PCDH15: variants seen among roughly 807,000 people sequenced by gnomAD.
PCDH15 encodes the protein protocadherin related 15.
PCDH15 carries 129 observed loss-of-function variants against 178.5 expected under a neutral mutation model. That is an observed-to-expected ratio of 0.72 (90% CI 0.63 to 0.84). The LOEUF (loss-of-function observed/expected upper bound fraction) is 0.84. Ranked by LOEUF, PCDH15 falls within the 40% of genes least tolerant of loss-of-function variation. The pLI is 0.00. For missense variants in PCDH15, 2,230 were observed against 2,099.9 expected (o/e 1.06, Z -1.21); for synonymous variants, 800 against 732.0 (o/e 1.09, Z -1.50).
chr10:53,819,396 T>C (rs972344774), intron 33 of PCDH15, among the ~76,000 whole-genome samples: 1 of 152,010 alleles, frequency 6.6e-6, no homozygotes, highest in Admixed American at 6.6e-5. Flanking sequence ...TTGTATTGCT[T>C]GTCTTGGCTC....
At chr10:54,154,093 A>G (rs1285439491) in intron 13 of PCDH15, among the ~76,000 whole-genome samples, 1 of 152,188 alleles carries the variant, frequency 6.6e-6, no homozygotes, top group Non-Finnish European at 1.5e-5. Context: ...ATATGAAAAG[A>G]TAACAATGAT....
intron 18 of PCDH15, among the ~76,000 whole-genome samples, chr10:54,056,899 A>G (rs12250607): frequency 0.21 from 31,728 of 152,076 alleles, 3,494 homozygotes; most frequent in Non-Finnish European, 0.23. Flanking sequence ...ATTCCAAATG[A>G]GAGAAATTGG....
intron 3 of PCDH15, among the ~76,000 whole-genome samples, chr10:54,523,115 C>G (rs966989647): frequency 6.6e-6 from 1 of 152,090 alleles, no homozygotes; most frequent in Non-Finnish European, 1.5e-5. Flanking sequence ...TAGTGCTAAC[C>G]AGGTCAGCAT....
At chr10:54,258,112 C>T (rs1223956345) in intron 8 of PCDH15, among the ~76,000 whole-genome samples, 3 of 151,990 alleles carry the variant, frequency 2.0e-5, no homozygotes, top group African/African-American at 7.2e-5. Context: ...GATTTTTACC[C>T]AATATTTCAG....
chr10:55,539,226 T>A (rs2132074384), intron 2 of PCDH15, among the ~76,000 whole-genome samples: 1 of 152,174 alleles, frequency 6.6e-6, no homozygotes, highest in Non-Finnish European at 1.5e-5. Context: ...ACCATTTGTA[T>A]TATTATTTCT....
Position 55,127,786 on chromosome 10 carries a change from C to A in PCDH15, c.-80+38790G>T, listed in dbSNP as rs79051043. On this transcript the variant is annotated intron_variant, in intron 2 of 5. Transcript: ENST00000458638. ...ATTTCTTGCAATCATTTACGTATAA[C>A]CTTGGAGACATTCCATTTTTTAGGA... Among the ~76,000 whole-genome samples the A allele has an allele frequency of 2.6e-5, 4 of 151,948 alleles. No homozygotes were observed. In the South Asian group the frequency reaches 6.2e-4, roughly 24 times the overall value.
chr10:55,596,016 G>A (rs1256939446), intron 2 of PCDH15, among the ~76,000 whole-genome samples: 3 of 151,952 alleles, frequency 2.0e-5, no homozygotes, highest in Non-Finnish European at 4.4e-5. Flanking sequence ...CCTAGAGATG[G>A]AGTCTTAAGT....
chr10:54,024,404 C>A (rs1305216586), intron 18 of PCDH15, among the ~76,000 whole-genome samples: 1 of 152,032 alleles, frequency 6.6e-6, no homozygotes, highest in African/African-American at 2.4e-5. Flanking sequence ...GTCCATAAAG[C>A]GTGGAATGCA....
chr10:53,863,038 G>A (rs1407906385), intron 27 of PCDH15, among the ~76,000 whole-genome samples: 1 of 152,188 alleles, frequency 6.6e-6, no homozygotes, highest in East Asian at 1.9e-4. Flanking sequence ...GAAATGTGAT[G>A]AAGAAGAGAA....
chr10:54,640,316 G>T (rs577120006), intron 2 of PCDH15, among the ~76,000 whole-genome samples: 18 of 150,338 alleles, frequency 1.2e-4, no homozygotes, highest in African/African-American at 4.4e-4. Flanking sequence ...AGAAAATCAG[G>T]GCAAAACATT....
At chr10:55,613,196 C>T (rs1283614228) in intron 2 of PCDH15, among the ~76,000 whole-genome samples, 1 of 151,984 alleles carries the variant, frequency 6.6e-6, no homozygotes, top group East Asian at 1.9e-4. Context: ...ACCACCTTCT[C>T]TTTACCTTCA....
chr10:55,284,287 A>C (rs1054357454), intron 1 of PCDH15, among the ~76,000 whole-genome samples: 1 of 152,152 alleles, frequency 6.6e-6, no homozygotes, highest in Non-Finnish European at 1.5e-5. Context: ...CAGGATGGAC[A>C]GCCGACTGAT....
intron 6 of PCDH15, among the ~76,000 whole-genome samples, chr10:54,338,503 C>G (rs1565008092): frequency 6.6e-6 from 1 of 152,216 alleles, no homozygotes; most frequent in African/African-American, 2.4e-5. Flanking sequence ...CTTCCTGACT[C>G]AGGAAATTCA....
At chr10:55,061,748 C>T (rs549561749) in intron 2 of PCDH15, among the ~76,000 whole-genome samples, 2 of 152,272 alleles carry the variant, frequency 1.3e-5, no homozygotes, top group African/African-American at 4.8e-5. Flanking sequence ...TGGCCAGATG[C>T]GGTGGCTTAC....
At position 55,070,721 on chromosome 10, in the gene PCDH15, G is replaced by A. The variant is rs1219600762; in HGVS notation, c.-80+95855C>T. Reference sequence around the variant, plus strand: ...GAAGTCAGGTAGCGTGATGCCTTCAGCTTTGTTCTTTTGGCTTAGGATTGA... The same window carrying A: ...GAAGTCAGGTAGCGTGATGCCTTCAACTTTGTTCTTTTGGCTTAGGATTGA... On this transcript the variant is annotated intron_variant, in intron 2 of 5. Transcript: ENST00000458638. Among the ~76,000 whole-genome samples, 3 of 150,910 alleles carry A rather than the reference G, an allele frequency of 2.0e-5. No individual in the cohort carries two copies. The East Asian group carries it at 5.9e-4, about 30-fold the overall frequency.
intron 6 of PCDH15, among the ~76,000 whole-genome samples, chr10:54,340,667 C>T (rs559862331): frequency 1.4e-4 from 21 of 152,244 alleles, no homozygotes; most frequent in Admixed American, 5.2e-4. Context: ...TCTTGGAAGA[C>T]GGCTAAGTGG....
At chr10:55,579,595 A>G (rs1842565075) in intron 2 of PCDH15, among the ~76,000 whole-genome samples, 2 of 152,314 alleles carry the variant, frequency 1.3e-5, no homozygotes, top group Non-Finnish European at 2.9e-5. Flanking sequence ...TGGCAAAATT[A>G]GGTATTATGG....
Position 55,279,264 on chromosome 10 carries a change from T to G in PCDH15, c.-156+40335A>C, listed in dbSNP as rs553840886. 2.1e-3 allele frequency among the ~76,000 whole-genome samples: 313 copies of G among 152,290 alleles called. 1 individual carries two copies. The highest frequency in any genetic ancestry group is 7.3e-3 in the African/African-American group (305 of 41,560). ...TAGATCATCTAATTGATATGCGATC[T>G]CTGAGGAGTTGTCAGAAAAACAGTC... On this transcript the variant is annotated intron_variant, in intron 1 of 5. Transcript: ENST00000458638.
At chr10:54,349,671 T>A (rs979010846) in intron 5 of PCDH15, among the ~76,000 whole-genome samples, 1 of 152,140 alleles carries the variant, frequency 6.6e-6, no homozygotes, top group Non-Finnish European at 1.5e-5. Flanking sequence ...AACTCTACAT[T>A]GTTATAATGT....
Sources: gnomAD v4.1 joint callset for allele counts (sites outside exome capture counted in the v4.1 genomes callset) on GRCh38, gnomAD v4.1.1 for gene constraint, MANE v1.5 for transcripts, NCBI Gene and HGNC (gene_info 2026-07-23, HGNC 2026-07-21) for gene names.